FRAS1: variants seen among roughly 807,000 people sequenced by gnomAD.
The protein encoded by FRAS1 is extracellular matrix organizing protein FRAS1.
A neutral mutation model predicts 435.2 loss-of-function variants in FRAS1; 290 were observed. That is an observed-to-expected ratio of 0.67 (90% CI 0.61 to 0.73). The LOEUF is 0.73. Ranked by LOEUF, FRAS1 falls within the 30% of genes least tolerant of loss-of-function variation. FRAS1 has a pLI of 0.00. For synonymous variants in FRAS1, 1,800 were observed against 1,851.0 expected, an observed-to-expected ratio of 0.97 and a Z score of 0.71; for missense variants, 4,860 against 5,001.5, an observed-to-expected ratio of 0.97 and a Z score of 0.85.
rs141020042 is a variant in FRAS1 at position 78,537,424 on chromosome 4, C to T, written c.11298+224C>T. On this transcript the variant is annotated intron_variant, in intron 72 of 73. Coordinates refer to ENST00000512123, the MANE Select transcript of FRAS1 (RefSeq NM_025074.7). ...TGATGTCCTCAGAAAAGGAAACTCT[C>T]GGCCAATGTTTCTCAGAGTATGGTT... Among the ~76,000 whole-genome samples the T allele has an allele frequency of 2.1e-3, 327 of 152,340 alleles. 1 individual carries two copies. The highest frequency in any genetic ancestry group is 7.3e-3 in the African/African-American group (303 of 41,576).
chr4:78,059,905 CGGAGAGAGGGTGT>C, intron 1 of FRAS1, among the ~76,000 whole-genome samples: 1 of 102,314 alleles, frequency 9.8e-6, no homozygotes, highest in Non-Finnish European at 2.0e-5. Context: ...GGGGCGGGGG[CGGAGAGAGGGTGT>C]GGATATTACT....
chr4:78,421,145 T>A (rs1733774540), intron 33 of FRAS1, among the ~76,000 whole-genome samples: 1 of 151,836 alleles, frequency 6.6e-6, no homozygotes, highest in African/African-American at 2.4e-5. Context: ...TTTAGTTTTT[T>A]AATTTATATA....
intron 2 of FRAS1, among the ~76,000 whole-genome samples, chr4:78,075,378 T>G (rs1740588159): frequency 6.6e-6 from 1 of 152,180 alleles, no homozygotes. Flanking sequence ...GCACAGGAAC[T>G]GACCTTCCTG....
intron 2 of FRAS1, among the ~76,000 whole-genome samples, chr4:78,079,617 A>C (rs1166567487): frequency 6.6e-6 from 1 of 152,244 alleles, no homozygotes; most frequent in East Asian, 1.9e-4. Context: ...TTTTCATGCT[A>C]TCTCTCTTGG....
chr4:78,192,490 T>C (rs1722587841), intron 2 of FRAS1, among the ~76,000 whole-genome samples: 2 of 152,184 alleles, frequency 1.3e-5, no homozygotes, highest in Non-Finnish European at 2.9e-5. Flanking sequence ...TTCTTCCTGG[T>C]TTAGTTTTGG....
chr4:78,278,316 G>A (rs1262164690), intron 9 of FRAS1, among the ~76,000 whole-genome samples: 1 of 152,216 alleles, frequency 6.6e-6, no homozygotes, highest in African/African-American at 2.4e-5. Flanking sequence ...TTAAGGTAGT[G>A]TGATCCTTTT....
chr4:78,099,227 C>T (rs1257182056), intron 2 of FRAS1, among the ~76,000 whole-genome samples: 2 of 152,142 alleles, frequency 1.3e-5, no homozygotes, highest in Non-Finnish European at 2.9e-5. Context: ...ACCTCTGTAA[C>T]TTATTTTTAC....
chr4:78,447,926 C>T, intron 43 of FRAS1, 127 bp from the exon 44 acceptor site: 1 of 797,106 alleles, frequency 1.3e-6, no homozygotes, highest in Admixed American at 3.0e-5. Flanking sequence ...CTGTTGGCAC[C>T]AAGAGCCTCT....
chr4:78,195,892 G>C (rs1227016978), intron 2 of FRAS1, among the ~76,000 whole-genome samples: 1 of 150,506 alleles, frequency 6.6e-6, no homozygotes, highest in African/African-American at 2.4e-5. Flanking sequence ...GACTGGACCT[G>C]TTCCTATTCG....
intron 2 of FRAS1, among the ~76,000 whole-genome samples, chr4:78,151,681 G>C (rs1247343037): frequency 3.3e-5 from 5 of 152,152 alleles, no homozygotes; most frequent in Non-Finnish European, 7.3e-5. Context: ...AGGTGGAAAA[G>C]TAAGACATTT....
At chr4:78,214,038 G>A (rs1045660273) in intron 2 of FRAS1, among the ~76,000 whole-genome samples, 1 of 152,326 alleles carries the variant, frequency 6.6e-6, no homozygotes, top group African/African-American at 2.4e-5. Flanking sequence ...GTGCATCTTC[G>A]GGAAAGTAGT....
rs1259695957 is a variant in FRAS1 at position 78,245,343 on chromosome 4, C to T, written c.309+18C>T. On this transcript the variant is annotated intron_variant, in intron 4 of 73. Coordinates refer to ENST00000512123, the MANE Select transcript of FRAS1 (RefSeq NM_025074.7). Reference sequence around the variant, plus strand: ...TCCATGAGGTAAGTGTTTTCTGACTCACGGTTGATTCTGTGTCTGCAGATC... The same window carrying T: ...TCCATGAGGTAAGTGTTTTCTGACTTACGGTTGATTCTGTGTCTGCAGATC... The T allele has an allele frequency of 6.6e-7, 1 of 1,509,260 alleles. No homozygotes were observed. The highest frequency in any genetic ancestry group is 2.3e-5 in the East Asian group (1 of 43,578). 93.5% of individuals were successfully genotyped at this position (1,509,260 alleles called of 1,614,324 possible).
chr4:78,224,728 C>T (rs1396630906), intron 2 of FRAS1, among the ~76,000 whole-genome samples: 2 of 152,192 alleles, frequency 1.3e-5, no homozygotes, highest in East Asian at 3.9e-4. Flanking sequence ...GATAGGGTCT[C>T]ACTATGTTGC....
At chr4:78,286,634 C>A in intron 14 of FRAS1, 95 bp downstream of exon 14, 1 of 1,294,842 alleles carries the variant, frequency 7.7e-7, no homozygotes, top group Non-Finnish European at 1.1e-6. Context: ...GAGCTGGAAG[C>A]ACTTTTTCAA....
chr4:78,264,276 TGGTGGTTGTGGCAGAG>T (rs755522795), intron 6 of FRAS1, among the ~76,000 whole-genome samples: 9 of 151,934 alleles, frequency 5.9e-5, no homozygotes, highest in Non-Finnish European at 1.2e-4. Flanking sequence ...ATTCTGGGAG[TGGTGGTTGTGGCAGAG>T]GTGAGAATGT....
At chr4:78,118,142 G>T (rs1015053781) in intron 2 of FRAS1, among the ~76,000 whole-genome samples, 1 of 152,214 alleles carries the variant, frequency 6.6e-6, no homozygotes, top group Non-Finnish European at 1.5e-5. Context: ...CTGCAGAACA[G>T]CAGATATTGG....
At chr4:78,174,257 A>G (rs1404820382) in intron 2 of FRAS1, among the ~76,000 whole-genome samples, 1 of 152,240 alleles carries the variant, frequency 6.6e-6, no homozygotes, top group Non-Finnish European at 1.5e-5. Context: ...CAGTCCACTT[A>G]GGTCACATAA....
Position 78,475,528 on chromosome 4 carries a change from C to T in FRAS1, c.7773C>T (p.Thr2591=), listed in dbSNP as rs531780123. 25 of 1,613,758 alleles carry T rather than the reference C, an allele frequency of 1.5e-5. 1 individual carries two copies. The highest frequency in any genetic ancestry group is 8.0e-5 in the African/African-American group (6 of 75,022). The change falls in exon 54 of 74, where the codon ACC becomes ACT. Residue 2591 remains threonine, a synonymous_variant. Coordinates refer to ENST00000512123, the MANE Select transcript of FRAS1 (RefSeq NM_025074.7). ...AATATGCCATCGTCCTGTGTCGCAC[C>T]GAGCAAGGCACCGCCAGCTCCAGCT... ...LNQYAIVLCR[T]EQGTASSSSR...
intron 2 of FRAS1, among the ~76,000 whole-genome samples, chr4:78,094,529 T>C (rs1741695474): frequency 6.6e-6 from 1 of 152,126 alleles, no homozygotes; most frequent in African/African-American, 2.4e-5. Context: ...CTGACTTTTA[T>C]CTATAATAGA....
Sources: allele counts gnomAD v4.1 joint callset (sites outside exome capture counted in the v4.1 genomes callset), GRCh38; gene constraint gnomAD v4.1.1; transcripts MANE v1.5; gene names NCBI Gene and HGNC (gene_info 2026-07-23, HGNC 2026-07-21).